CEP126: variants seen among roughly 807,000 people sequenced by gnomAD.
CEP126 encodes the protein centrosomal protein of 126 kDa.
Under a neutral mutation model 107.8 loss-of-function variants are expected in CEP126, and 74 were observed. That is an observed-to-expected ratio of 0.69 (90% confidence interval 0.57 to 0.83). The LOEUF is 0.83. CEP126 is among the 40% of genes least tolerant of loss of function. The pLI, the probability that CEP126 is intolerant of heterozygous loss-of-function variation, is 0.00. For synonymous variants in CEP126, 449 were observed against 446.0 expected (o/e 1.01, Z -0.08); for missense variants, 1,237 against 1,281.9 (o/e 0.96, Z 0.53).
At chr11:101,924,938 A>T (rs1658401215) in intron 2 of CEP126, among the ~76,000 whole-genome samples, 2 of 152,080 alleles carry the variant, frequency 1.3e-5, no homozygotes. Context: ...CTTATTATTT[A>T]TTGCATTTCT....
In CEP126 at chr11:101,963,743, C is replaced by A. The variant is rs142635256; in HGVS notation, c.2708C>A (p.Ala903Glu). Residue 903 changes from alanine (A) to glutamate (E), a missense_variant, in exon 6 of 11, where the codon GCG becomes GAG. Physicochemically the swap from Ala to Glu is moderately radical, Grantham distance 107. Transcript: ENST00000263468. The stretch of plus-strand genomic sequence containing the variant: ...ACTCAAGCAGTTGCCCGGCAAGATG[C>A]GACATTATATTGCACCCAAAGAAGT... ...NGTQAVARQD[A>E]TLYCTQRSPV... 1 of 1,613,876 alleles carries A rather than the reference C, an allele frequency of 6.2e-7. No homozygotes were observed. The highest frequency in any genetic ancestry group is 8.5e-7 in the Non-Finnish European group (1 of 1,180,004).
At chr11:101,943,339 T>G (rs1940691585) in intron 2 of CEP126, among the ~76,000 whole-genome samples, 1 of 151,942 alleles carries the variant, frequency 6.6e-6, no homozygotes, top group Non-Finnish European at 1.5e-5. Context: ...CTATTTAGAG[T>G]AGAATAATGT....
chr11:101,988,035 C>T (rs1298106817), intron 9 of CEP126, among the ~76,000 whole-genome samples: 3 of 151,526 alleles, frequency 2.0e-5, no homozygotes, highest in African/African-American at 7.3e-5. Flanking sequence ...AAAGAATCCA[C>T]AAAACAGAAT....
Position 101,999,174 on chromosome 11 carries a change from C to G in CEP126, c.*1531C>G, listed in dbSNP as rs1941478631. Reference sequence around the variant, plus strand: ...AATATTTGAGAATTTCTTATACTATCAAGAAAAAATTCTGTGAATTAAGAT... The same window carrying G: ...AATATTTGAGAATTTCTTATACTATGAAGAAAAAATTCTGTGAATTAAGAT... On this transcript the variant is annotated 3_prime_UTR_variant, in exon 11 of 11. Coordinates refer to ENST00000263468, the MANE Select transcript of CEP126 (RefSeq NM_020802.4). 1.3e-5 allele frequency: 2 copies of G among 151,848 alleles called. No homozygotes were observed. The highest frequency in any genetic ancestry group is 1.5e-5 in the Non-Finnish European group (1 of 67,998). 9.4% of individuals were successfully genotyped at this position (151,848 alleles called of 1,614,324 possible). A position where few individuals can be genotyped will look rare whatever the true frequency, so the allele number is the denominator to read the frequency against.
intron 8 of CEP126, among the ~76,000 whole-genome samples, chr11:101,983,259 A>C (rs1432918244): frequency 6.6e-6 from 1 of 152,248 alleles, no homozygotes; most frequent in Non-Finnish European, 1.5e-5. Flanking sequence ...CTACACCAGC[A>C]ACCTAAGTGT....
intron 2 of CEP126, among the ~76,000 whole-genome samples, chr11:101,924,565 A>G (rs1046351314): frequency 6.6e-6 from 1 of 152,068 alleles, no homozygotes; most frequent in African/African-American, 2.4e-5. Context: ...TCCCAGATTC[A>G]AACGATTCCC....
At chr11:101,931,703 G>A (rs962322811) in intron 2 of CEP126, among the ~76,000 whole-genome samples, 2 of 151,948 alleles carry the variant, frequency 1.3e-5, no homozygotes, top group African/African-American at 2.4e-5. Flanking sequence ...ATGTCGTTCC[G>A]TCCAGAAGAA....
intron 6 of CEP126, among the ~76,000 whole-genome samples, chr11:101,971,229 C>G (rs988794496): frequency 9.2e-5 from 14 of 152,048 alleles, no homozygotes; most frequent in African/African-American, 3.4e-4. Flanking sequence ...CCTCCCTAGG[C>G]CTCCCAAGTA....
chr11:101,942,178 A>T (rs952341697), intron 2 of CEP126, among the ~76,000 whole-genome samples: 1 of 152,058 alleles, frequency 6.6e-6, no homozygotes, highest in Non-Finnish European at 1.5e-5. Context: ...TTGTGCTTTT[A>T]GTGTCATATC....
At chr11:101,935,944 T>A (rs554330356) in intron 2 of CEP126, among the ~76,000 whole-genome samples, 1 of 152,090 alleles carries the variant, frequency 6.6e-6, no homozygotes, top group Admixed American at 6.5e-5. Flanking sequence ...CTCTCCTCAG[T>A]TGGGAACCAC....
Position 101,951,635 on chromosome 11 carries a change from TAAAAG to T in CEP126, c.506+3496_506+3500del, listed in dbSNP as rs529953198. Among the ~76,000 whole-genome samples, 527 of 151,860 alleles carry T rather than the reference TAAAAG, an allele frequency of 3.5e-3. 2 individuals carry two copies. The highest frequency in any genetic ancestry group is 0.01 in the Middle Eastern group (3 of 294). On this transcript the variant is annotated intron_variant, in intron 4 of 10. Coordinates refer to ENST00000263468, the MANE Select transcript of CEP126 (RefSeq NM_020802.4). ...GAAGCAGAAAGAAAAGATATTTTAT[TAAAAG>T]AATAGATGAGTTTGGTATAGGACAA...
chr11:101,990,897 C>T (rs767190027), intron 9 of CEP126, among the ~76,000 whole-genome samples: 3 of 152,164 alleles, frequency 2.0e-5, no homozygotes, highest in Non-Finnish European at 4.4e-5. Flanking sequence ...TTACTGTTGT[C>T]GGCTACAGCA....
Position 101,962,209 on chromosome 11 carries a change from A to C in CEP126, c.1174A>C (p.Met392Leu). 1 of 1,613,956 alleles carries C rather than the reference A, an allele frequency of 6.2e-7. No individual in the cohort carries two copies. The highest frequency in any genetic ancestry group is 1.1e-5 in the South Asian group (1 of 91,064). Residue 392 changes from methionine to leucine, a missense_variant, in exon 6 of 11, where the codon ATG (methionine) becomes CTG (leucine). Transcript: ENST00000263468. Reference sequence around the variant, plus strand: ...TGAAAAGACCTCTGAAACTAGCACTATGAGGACAACTGACTCCACTTCTGG... The same window carrying C: ...TGAAAAGACCTCTGAAACTAGCACTCTGAGGACAACTGACTCCACTTCTGG... ...KCEKTSETST[M>L]RTTDSTSGAF...
chr11:101,953,126 T>C (rs933037540), intron 4 of CEP126, among the ~76,000 whole-genome samples: 8 of 152,214 alleles, frequency 5.3e-5, no homozygotes, highest in Non-Finnish European at 1.2e-4. Context: ...GAACAAATGT[T>C]TTTGTAATGG....
intron 2 of CEP126, among the ~76,000 whole-genome samples, chr11:101,927,947 T>C (rs955436277): frequency 2.0e-5 from 3 of 152,210 alleles, no homozygotes; most frequent in East Asian, 3.9e-4. Context: ...ATATGGTAGT[T>C]GCCCATTTAG....
intron 10 of CEP126, among the ~76,000 whole-genome samples, chr11:101,996,044 G>A (rs1941437566): frequency 6.6e-6 from 1 of 152,198 alleles, no homozygotes; most frequent in Admixed American, 6.5e-5. Context: ...AGATCATCAT[G>A]GTTAGTCAGT....
intron 9 of CEP126, among the ~76,000 whole-genome samples, chr11:101,991,505 T>A (rs1941381626): frequency 6.6e-6 from 1 of 152,272 alleles, no homozygotes; most frequent in Admixed American, 6.5e-5. Flanking sequence ...ACTAATATGT[T>A]AAAGGTTATG....
intron 10 of CEP126, among the ~76,000 whole-genome samples, chr11:101,993,378 A>G (rs535258055): frequency 6.6e-6 from 1 of 152,318 alleles, no homozygotes; most frequent in African/African-American, 2.4e-5. Flanking sequence ...TGTTGCTGCA[A>G]AGGACATGAT....
chr11:101,996,251 C>A (rs1248264244), intron 10 of CEP126, among the ~76,000 whole-genome samples: 1 of 152,180 alleles, frequency 6.6e-6, no homozygotes, highest in African/African-American at 2.4e-5. Context: ...GCAAGCTCCC[C>A]CTTCATAGTT....
Sources: allele counts gnomAD v4.1 joint callset (sites outside exome capture counted in the v4.1 genomes callset), GRCh38; gene constraint gnomAD v4.1.1; transcripts MANE v1.5; gene names NCBI Gene and HGNC (gene_info 2026-07-23, HGNC 2026-07-21).